Variants in PTPN4 observed in about 807,000 individuals in gnomAD.
PTPN4 encodes tyrosine-protein phosphatase non-receptor type 4.
A neutral mutation model predicts 135.5 loss-of-function variants in PTPN4; 49 were observed. That is an observed-to-expected ratio of 0.36 (90% confidence interval 0.29 to 0.46). The LOEUF (loss-of-function observed/expected upper bound fraction) is 0.46. Ranked by LOEUF, PTPN4 falls within the 20% of genes least tolerant of loss-of-function variation. The pLI is 1.00. For synonymous variants in PTPN4, 333 were observed against 369.9 expected, an observed-to-expected ratio of 0.90 and a Z score of 1.14; for missense variants, 860 against 1,101.0, an observed-to-expected ratio of 0.78 and a Z score of 3.10.
At chr2:119,945,573 A>G (rs1278720309) in intron 16 of PTPN4, among the ~76,000 whole-genome samples, 1 of 150,144 alleles carries the variant, frequency 6.7e-6, no homozygotes, top group Non-Finnish European at 1.5e-5. Flanking sequence ...TGTTGTGCAC[A>G]TGTACCCTAA....
At chr2:119,888,213 C>T (rs1200653450) in intron 9 of PTPN4, among the ~76,000 whole-genome samples, 1 of 151,932 alleles carries the variant, frequency 6.6e-6, no homozygotes, top group Admixed American at 6.5e-5. Flanking sequence ...TTGATTTTTA[C>T]TGAATTTATT....
intron 3 of PTPN4, among the ~76,000 whole-genome samples, chr2:119,870,681 C>A (rs973862913): frequency 1.3e-5 from 2 of 151,990 alleles, no homozygotes; most frequent in African/African-American, 4.8e-5. Context: ...CTATATGAAA[C>A]ATAGTTTATT....
chr2:119,944,939 A>G (rs1404560939), intron 15 of PTPN4, 142 bp from the exon 16 acceptor site: 4 of 599,876 alleles, frequency 6.7e-6, no homozygotes, highest in Non-Finnish European at 7.9e-6. Flanking sequence ...AAGTTAGGAA[A>G]ATTTTCATTA....
intron 18 of PTPN4, among the ~76,000 whole-genome samples, chr2:119,947,685 C>T (rs1183302455): frequency 6.6e-6 from 1 of 151,736 alleles, no homozygotes; most frequent in African/African-American, 2.4e-5. Context: ...TCTCAAGCCA[C>T]TCCAGATAAA....
intron 9 of PTPN4, among the ~76,000 whole-genome samples, chr2:119,890,551 GTTAA>G (rs1259454796): frequency 6.6e-6 from 1 of 151,972 alleles, no homozygotes; most frequent in African/African-American, 2.4e-5. Context: ...TTTTCATATT[GTTAA>G]TTGTTTTCTG....
intron 1 of PTPN4, among the ~76,000 whole-genome samples, chr2:119,808,240 G>T (rs1178223197): frequency 2.6e-5 from 4 of 152,176 alleles, no homozygotes; most frequent in African/African-American, 9.7e-5. Context: ...AGTCAGGCAA[G>T]AGAAAGAAAT....
intron 2 of PTPN4, among the ~76,000 whole-genome samples, chr2:119,852,814 A>G (rs1677611755): frequency 6.7e-6 from 1 of 149,716 alleles, no homozygotes; most frequent in African/African-American, 2.5e-5. Context: ...ACAAGTTTTG[A>G]TATGTTGAGT....
Position 119,957,059 on chromosome 2 carries a change from C to T in PTPN4, c.2115C>T (p.Ile705=). The stretch of plus-strand genomic sequence containing the variant: ...TTTTAAAAGGTAATGAAGACTACAT[C>T]AATGCGAACTATATAAATGTAAGTT... ...RVILKGNEDY[I]NANYINMEIP... The change falls in exon 22 of 27, where the codon ATC becomes ATT. Residue 705 remains isoleucine (I), a synonymous_variant. Transcript: ENST00000263708. 6.2e-7 allele frequency: 1 copy of T among 1,609,508 alleles called. No homozygotes were observed. The highest frequency in any genetic ancestry group is 2.2e-5 in the East Asian group (1 of 44,730).
rs749865306 is a variant in PTPN4, at chr2:119,946,366, A to C, written c.1541A>C (p.Asn514Thr). Residue 514 changes from asparagine (N) to threonine (T), a missense_variant, in exon 17 of 27, where the codon AAT becomes ACT. By Grantham distance (65) the Asn-to-Thr change is moderately conservative. Coordinates refer to ENST00000263708, the MANE Select transcript of PTPN4 (RefSeq NM_002830.4). Reference protein sequence around the residue: ...PTPNGGIPHDNLVLIRMKPDE... With the variant: ...PTPNGGIPHDTLVLIRMKPDE... Reference sequence around the variant, plus strand: ...CCTAATGGTGGTATTCCACATGATAATCTTGTCCTAATCAGAATGAAACCT... The same window carrying C: ...CCTAATGGTGGTATTCCACATGATACTCTTGTCCTAATCAGAATGAAACCT... 3.4e-5 allele frequency: 55 copies of C among 1,609,984 alleles called. No individual in the cohort carries two copies. In the Admixed American group the frequency reaches 7.2e-4, roughly 21 times the overall value.
At position 119,855,177 on chromosome 2, in the gene PTPN4, C is replaced by T. The variant is rs78633255; in HGVS notation, c.139-7359C>T. 6.0e-4 allele frequency among the ~76,000 whole-genome samples: 92 copies of T among 152,240 alleles called. No individual in the cohort carries two copies. In the East Asian group the frequency reaches 0.017, roughly 28 times the overall value. ...GATGATGTTTTCACGTGCATGTCCT[C>T]CCCAGTCTACCCTTTCAGTTAAATC... On this transcript the variant is annotated intron_variant, in intron 2 of 26. Coordinates refer to ENST00000263708, the MANE Select transcript of PTPN4 (RefSeq NM_002830.4).
At chr2:119,959,175 T>C (rs1006200687) in intron 22 of PTPN4, among the ~76,000 whole-genome samples, 1 of 151,804 alleles carries the variant, frequency 6.6e-6, no homozygotes, top group Non-Finnish European at 1.5e-5. Context: ...TAGCAAGTAG[T>C]CAAATTTGCA....
rs1476786053 is a variant in PTPN4, at chr2:119,915,211, A to G, written c.797A>G (p.Lys266Arg). The change falls in exon 11 of 27, where the codon AAA becomes AGA. Residue 266 changes from lysine (K) to arginine (R), a missense_variant. Physicochemically the swap from Lys to Arg is conservative, Grantham distance 26. This residue lies in a region of PTPN4 where 684 missense variants were observed against 807.0 expected (regional missense o/e 0.85). Transcript: ENST00000263708. ...LKIVKISFKCKQFFIQLRKEL... is the reference protein window; with the variant it reads ...LKIVKISFKCRQFFIQLRKEL... ...ATTGTAAAAATTTCTTTTAAGTGCA[A>G]ACAGTTTTTTATTCAACTTAGAAAA... 3 of 1,540,598 alleles carry G rather than the reference A, an allele frequency of 1.9e-6. No individual in the cohort carries two copies. The highest frequency in any genetic ancestry group is 2.5e-5 in the East Asian group (1 of 40,796).
At chr2:119,823,132 T>C (rs1677094245) in intron 2 of PTPN4, among the ~76,000 whole-genome samples, 2 of 152,180 alleles carry the variant, frequency 1.3e-5, no homozygotes, top group South Asian at 4.1e-4. Context: ...TTATCAAGGC[T>C]CATTTTGTTT....
At chr2:119,884,375 T>C (rs1307743709) in intron 8 of PTPN4, among the ~76,000 whole-genome samples, 2 of 152,260 alleles carry the variant, frequency 1.3e-5, no homozygotes, top group Non-Finnish European at 2.9e-5. Context: ...ATGTTGTCTA[T>C]GGCTGTTTTC....
chr2:119,762,645 AGAAACGTG>A (rs1053033931), intron 1 of PTPN4, among the ~76,000 whole-genome samples: 2 of 152,150 alleles, frequency 1.3e-5, no homozygotes, highest in African/African-American at 4.8e-5. Context: ...AAAGTTTTCC[AGAAACGTG>A]GAAATCTTGT....
At chr2:119,856,982 G>T (rs1677689757) in intron 2 of PTPN4, among the ~76,000 whole-genome samples, 1 of 152,136 alleles carries the variant, frequency 6.6e-6, no homozygotes, top group Non-Finnish European at 1.5e-5. Context: ...AAAGTATTTG[G>T]TGAGGTAGGG....
intron 10 of PTPN4, among the ~76,000 whole-genome samples, chr2:119,909,016 G>T (rs933541043): frequency 5.3e-5 from 8 of 152,260 alleles, no homozygotes; most frequent in Admixed American, 2.0e-4. Context: ...TGAGAAAGCT[G>T]CAGAAGAAAA....
chr2:119,864,272 A>G (rs540897799), intron 3 of PTPN4, among the ~76,000 whole-genome samples: 30 of 152,116 alleles, frequency 2.0e-4, no homozygotes, highest in Non-Finnish European at 2.6e-4. Context: ...AGAGGTAACT[A>G]TGTAGCTGAA....
intron 1 of PTPN4, among the ~76,000 whole-genome samples, chr2:119,795,900 G>A (rs1332269160): frequency 1.3e-5 from 2 of 152,244 alleles, no homozygotes; most frequent in Admixed American, 6.5e-5. Flanking sequence ...AGGAGCGAGG[G>A]GAGGCATGGG....
Sources: gnomAD v4.1 joint callset for allele counts (sites outside exome capture counted in the v4.1 genomes callset) on GRCh38, gnomAD v4.1.1 for gene constraint, gnomAD v4.1.1 regional missense constraint, MANE v1.5 for transcripts, NCBI Gene and HGNC (gene_info 2026-07-23, HGNC 2026-07-21) for gene names.